Variants in DLGAP4 observed in about 807,000 individuals in gnomAD.
DLGAP4 encodes the protein DLG associated protein 4, also known as disks large-associated protein 4.
Under a neutral mutation model 86.9 loss-of-function variants are expected in DLGAP4, and 18 were observed. The observed-to-expected ratio is 0.21, with a 90% CI of 0.14 to 0.31. DLGAP4 has a LOEUF of 0.31. Ranked by LOEUF, DLGAP4 falls within the 10% of genes least tolerant of loss-of-function variation. The pLI is 1.00. For synonymous variants in DLGAP4, 548 were observed against 574.3 expected (o/e 0.95, Z 0.65); for missense variants, 1,085 against 1,362.6 (o/e 0.80, Z 3.21).
At chr20:36,463,929 C>T (rs2034219550) in intron 7 of DLGAP4, among the ~76,000 whole-genome samples, 1 of 152,186 alleles carries the variant, frequency 6.6e-6, no homozygotes, top group African/African-American at 2.4e-5. Context: ...GCCAGGGACC[C>T]ACAGAGGTTT....
intron 2 of DLGAP4, among the ~76,000 whole-genome samples, chr20:36,384,125 AC>A (rs2031510705): frequency 6.6e-6 from 1 of 151,590 alleles, no homozygotes; most frequent in East Asian, 1.9e-4. Flanking sequence ...GGATTTTGAC[AC>A]TTTGACCTTT....
chr20:36,409,535 C>T lies in DLGAP4; in HGVS notation c.-72-22111C>T, dbSNP rs140091971. Among the ~76,000 whole-genome samples, 517 of 149,818 alleles carry T rather than the reference C, an allele frequency of 3.5e-3. 3 individuals are homozygous for T. Among genetic ancestry groups the T allele is most frequent in the African/African-American group, 0.012 (496 of 40,720 alleles). ...GGTCAGGAGTTTGAGACCAGCCTGG[C>T]AAAACCCCATCTCTACAAAAAATAC... On this transcript the variant is annotated intron_variant, in intron 2 of 12. Transcript: ENST00000339266.
At chr20:36,317,298 TTTCTTTCTTCC>T in intron 1 of DLGAP4, among the ~76,000 whole-genome samples, 1 of 4,092 alleles carries the variant, frequency 2.4e-4, no homozygotes, top group African/African-American at 2.0e-3. Context: ...CTTTCTTATC[TTTCTTTCTTCC>T]TTCCTTCCTT....
In DLGAP4 at chr20:36,350,734, T is replaced by C. The variant is rs782487099; in HGVS notation, c.-303-16311T>C. Among the ~76,000 whole-genome samples the C allele has an allele frequency of 6.6e-6, 1 of 152,262 alleles. No homozygotes were observed. The highest frequency in any genetic ancestry group is 1.5e-5 in the Non-Finnish European group (1 of 68,048). On this transcript the variant is annotated intron_variant, in intron 1 of 12. Transcript: ENST00000339266. The surrounding 1 kb of genome is among the most constrained non-coding windows in gnomAD (Gnocchi z 4.4). ...CACAGCAGATGGCAGAGATGTGATG[T>C]GTGCTGAGGACTGCTGACCAGTTTG...
At chr20:36,334,505 G>C (rs1555891908) in intron 1 of DLGAP4, among the ~76,000 whole-genome samples, 1 of 152,208 alleles carries the variant, frequency 6.6e-6, no homozygotes, top group African/African-American at 2.4e-5. Context: ...TGTGTGTGCA[G>C]CAGGGAGTGC....
intron 7 of DLGAP4, among the ~76,000 whole-genome samples, chr20:36,484,951 T>G (rs928790795): frequency 6.6e-6 from 1 of 152,276 alleles, no homozygotes; most frequent in African/African-American, 2.4e-5. Context: ...CAAATGATTC[T>G]TCTATTGATA....
chr20:36,405,703 G>A (rs1319368261), intron 2 of DLGAP4, among the ~76,000 whole-genome samples: 1 of 152,140 alleles, frequency 6.6e-6, no homozygotes, highest in Non-Finnish European at 1.5e-5. Flanking sequence ...GGGTTAGGGT[G>A]TTGGGCACTG....
intron 1 of DLGAP4, among the ~76,000 whole-genome samples, chr20:36,347,653 G>A (rs66709070): frequency 0.21 from 32,258 of 150,880 alleles, 3,928 homozygotes; most frequent in Middle Eastern, 0.43. Flanking sequence ...GCAAGACCCC[G>A]TCTCCACAAA....
chr20:36,444,007 A>C (rs2033523403), intron 6 of DLGAP4, among the ~76,000 whole-genome samples: 1 of 152,096 alleles, frequency 6.6e-6, no homozygotes, highest in African/African-American at 2.4e-5. Flanking sequence ...CAAGGGTTGG[A>C]CCCCTGGCAG....
intron 2 of DLGAP4, among the ~76,000 whole-genome samples, chr20:36,372,507 T>C (rs2030981328): frequency 6.7e-6 from 1 of 149,424 alleles, no homozygotes; most frequent in Non-Finnish European, 1.5e-5. Flanking sequence ...GGGGACACCC[T>C]GGCCCAGGAT....
In DLGAP4 at chr20:36,526,984, G is replaced by A. The variant is rs770949491; in HGVS notation, c.2932G>A (p.Ala978Thr). The A allele has an allele frequency of 6.2e-6, 10 of 1,612,142 alleles. No homozygotes were observed. Among genetic ancestry groups the A allele is most frequent in the African/African-American group, 1.3e-5 (1 of 74,690 alleles). The change falls in exon 13 of 13, where the codon GCA becomes ACA. Residue 978 changes from alanine (A) to threonine (T), a missense_variant. This residue lies in a region of DLGAP4 where 1,082 missense variants were observed against 1,344.1 expected (regional missense o/e 0.81). Coordinates refer to ENST00000339266, the MANE Select transcript of DLGAP4 (RefSeq NM_001365621.2). The stretch of plus-strand genomic sequence containing the variant: ...GCGGCAGAACTCAGCCACCGAGAGC[G>A]CAGACAGCATCGAGATTTATGTCCC... ...SVRQNSATESADSIEIYVPEA... is the reference protein window; with the variant it reads ...SVRQNSATESTDSIEIYVPEA...
At chr20:36,475,114 A>G (rs1359215753) in intron 7 of DLGAP4, among the ~76,000 whole-genome samples, 1 of 151,824 alleles carries the variant, frequency 6.6e-6, no homozygotes, top group East Asian at 1.9e-4. Context: ...GGTAGGGGTT[A>G]CATCTGGAGT....
intron 3 of DLGAP4, 69 bp from the exon 4 acceptor site, chr20:36,436,040 G>C: frequency 6.8e-7 from 1 of 1,469,026 alleles, no homozygotes; most frequent in Non-Finnish European, 9.0e-7. Context: ...TCAGGTCCCG[G>C]AGATGGGGGT....
rs1569528083 is a variant in DLGAP4 at position 36,527,155 on chromosome 20, AAATTGACGCATACAAGGG to A, written c.*125_*142del. The A allele has an allele frequency of 9.4e-6, 10 of 1,060,268 alleles. No homozygotes were observed. Among genetic ancestry groups the A allele is most frequent in the Non-Finnish European group, 1.3e-5 (10 of 761,606 alleles). The allele number at this position is 1,060,268 out of a possible 1,614,324, so 65.7% of individuals were successfully genotyped here. A position where few individuals can be genotyped will look rare whatever the true frequency, so the allele number is the denominator to read the frequency against. On this transcript the variant is annotated 3_prime_UTR_variant, in exon 13 of 13. Transcript: ENST00000339266. The stretch of plus-strand genomic sequence containing the variant: ...GTCTAGAGACCCTGAGCCAACTTTC[AAATTGACGCATACAAGGG>A]CTCACAATTTGGCTTTTTTGGGTCC...
chr20:36,436,408 A>C lies in DLGAP4; in HGVS notation c.1241+58A>C, dbSNP rs149862536. ...CCAGAGGCAAGCCCCGCCCACTACG[A>C]GTCTTGCTCCCTGGGAGGAGCCCTG... is the stretch of plus-strand genomic sequence containing the variant. On this transcript the variant is annotated intron_variant, in intron 4 of 12. Transcript: ENST00000339266. 3 of 1,498,852 alleles carry C rather than the reference A, an allele frequency of 2.0e-6. No individual in the cohort carries two copies. The African/African-American group carries it at 4.2e-5, about 21-fold the overall frequency. 92.8% of individuals were successfully genotyped at this position (1,498,852 alleles called of 1,614,324 possible).
At chr20:36,347,564 C>G (rs2029985027) in intron 1 of DLGAP4, among the ~76,000 whole-genome samples, 1 of 151,920 alleles carries the variant, frequency 6.6e-6, no homozygotes, top group Admixed American at 6.6e-5. Context: ...TTTTGGCACT[C>G]TCATGGAAAA....
chr20:36,518,621 T>C (rs1448336707), intron 10 of DLGAP4, among the ~76,000 whole-genome samples: 1 of 152,162 alleles, frequency 6.6e-6, no homozygotes, highest in Non-Finnish European at 1.5e-5. Flanking sequence ...ATCTTTGTTT[T>C]TATATGGGAG....
intron 1 of DLGAP4, among the ~76,000 whole-genome samples, chr20:36,324,884 A>G (rs926214974): frequency 6.6e-6 from 1 of 151,964 alleles, no homozygotes; most frequent in African/African-American, 2.4e-5. Flanking sequence ...TTTCAATGGT[A>G]TTGATCTTTT....
chr20:36,374,470 G>A (rs574999292), intron 2 of DLGAP4, among the ~76,000 whole-genome samples: 2 of 152,234 alleles, frequency 1.3e-5, no homozygotes, highest in South Asian at 4.2e-4. Flanking sequence ...ATGAGAGGAG[G>A]CAGGCCCGGA....
Sources: gnomAD v4.1 joint callset for allele counts (sites outside exome capture counted in the v4.1 genomes callset) on GRCh38, gnomAD v4.1.1 for gene constraint, gnomAD v4.1.1 regional missense constraint, Gnocchi (gnomAD v3.1) non-coding constraint, MANE v1.5 for transcripts, NCBI Gene and HGNC (gene_info 2026-07-23, HGNC 2026-07-21) for gene names.